PTPN21: variants seen among roughly 807,000 people sequenced by gnomAD.
PTPN21 encodes the protein tyrosine-protein phosphatase non-receptor type 21.
Under a neutral mutation model 131.8 loss-of-function variants are expected in PTPN21, and 77 were observed. The ratio of observed to expected loss-of-function variants is 0.58; its 90% CI spans 0.49 to 0.71. The LOEUF is 0.71. PTPN21 is among the 30% of genes least tolerant of loss of function. The probability of loss-of-function intolerance (pLI) is 0.00; values close to 1 mark genes in which losing one functional copy is unlikely to be tolerated. For synonymous variants in PTPN21, 715 were observed against 621.3 expected (o/e 1.15, Z -2.24); for missense variants, 1,552 against 1,527.1 (o/e 1.02, Z -0.27).
intron 12 of PTPN21, among the ~76,000 whole-genome samples, chr14:88,482,032 G>A (rs1269157043): frequency 6.6e-6 from 1 of 152,232 alleles, no homozygotes; most frequent in African/African-American, 2.4e-5. Flanking sequence ...CTAGTACAGT[G>A]TGCAACGGAC....
chr14:88,515,496 C>T (rs1056099707), intron 3 of PTPN21: 1 of 152,048 alleles, frequency 6.6e-6, no homozygotes, highest in African/African-American at 2.4e-5. Context: ...ATCTCTTCCT[C>T]ATTGTACCAT....
chr14:88,494,335 A>C (rs2140120672), intron 10 of PTPN21, among the ~76,000 whole-genome samples: 1 of 152,228 alleles, frequency 6.6e-6, no homozygotes, highest in Middle Eastern at 3.4e-3. Flanking sequence ...TAAGGTTGAA[A>C]CCAGGCAAGG....
At chr14:88,510,461 G>C (rs1159402702) in intron 3 of PTPN21, among the ~76,000 whole-genome samples, 2 of 152,228 alleles carry the variant, frequency 1.3e-5, no homozygotes, top group Non-Finnish European at 2.9e-5. Context: ...CAAATGCACA[G>C]AGCCAGACTG....
intron 13 of PTPN21, among the ~76,000 whole-genome samples, chr14:88,477,446 T>TCAAAAAAAAAAAAAAA (rs369022409): frequency 1.3e-5 from 1 of 76,382 alleles, no homozygotes; most frequent in African/African-American, 4.5e-5. Context: ...AAGACTGTTC[T>TCAAAAAAAAAAAAAAA]AAAAAAAAAA....
chr14:88,537,384 T>C (rs2078645817), intron 2 of PTPN21, among the ~76,000 whole-genome samples: 1 of 152,168 alleles, frequency 6.6e-6, no homozygotes, highest in South Asian at 2.1e-4. Context: ...GACAATGAGA[T>C]GCTATGAATA....
chr14:88,489,594 G>A (rs113194802), intron 10 of PTPN21, among the ~76,000 whole-genome samples: 12 of 152,194 alleles, frequency 7.9e-5, no homozygotes, highest in African/African-American at 2.4e-4. Context: ...AGGTTACAGT[G>A]AGCTATGATC....
chr14:88,479,678 G>A lies in PTPN21; in HGVS notation c.1753C>T (p.Leu585Phe), dbSNP rs767091484. The A allele has an allele frequency of 3.3e-6, 5 of 1,526,230 alleles. No individual in the cohort carries two copies. Among genetic ancestry groups the A allele is most frequent in the South Asian group, 1.3e-5 (1 of 78,584 alleles). The allele number at this position is 1,526,230 out of a possible 1,614,324, so 94.5% of individuals were successfully genotyped here. A position where few individuals can be genotyped will look rare whatever the true frequency, so the allele number is the denominator to read the frequency against. Residue 585 changes from leucine (L) to phenylalanine (F), a missense_variant, in exon 13 of 19, where the codon CTT (leucine) becomes TTT (phenylalanine). Physicochemically the swap from Leu to Phe is conservative, Grantham distance 22 (BLOSUM62 0). Coordinates refer to ENST00000556564, the MANE Select transcript of PTPN21 (RefSeq NM_007039.4). ...ANSTPDLSRH[L>F]YISSSNPDLI... ...TCGGGGTTGCTGCTGCTGATGTAAA[G>A]GTGGCGGGACAGGTCTGGCGTGCTG...
At chr14:88,491,894 G>A (rs1271961394) in intron 10 of PTPN21, among the ~76,000 whole-genome samples, 1 of 152,124 alleles carries the variant, frequency 6.6e-6, no homozygotes, top group Non-Finnish European at 1.5e-5. Flanking sequence ...CATTAATGTA[G>A]TTTTGTTCAC....
intron 6 of PTPN21, among the ~76,000 whole-genome samples, chr14:88,501,826 AT>A (rs2078013012): frequency 6.6e-6 from 1 of 150,468 alleles, no homozygotes; most frequent in Non-Finnish European, 1.5e-5. Flanking sequence ...AAAAAAAAAA[AT>A]GTTTTAAATT....
At position 88,523,716 on chromosome 14, in the gene PTPN21, G is replaced by GACACAC. The variant is rs71126989; in HGVS notation, c.181-6461_181-6456dup. Among the ~76,000 whole-genome samples the GACACAC allele has an allele frequency of 3.4e-3, 496 of 144,536 alleles. 2 individuals are homozygous for GACACAC. The highest frequency in any genetic ancestry group is 6.0e-3 in the African/African-American group (232 of 38,784). 94.8% of individuals were successfully genotyped at this position (144,536 alleles called of 152,430 possible). On this transcript the variant is annotated intron_variant, in intron 2 of 18. Transcript: ENST00000556564. Reference sequence around the variant, plus strand: ...TCCTCCAAATCCACCCCCCAACCGTGACACACACACACACACACACACACA... The same window carrying GACACAC: ...TCCTCCAAATCCACCCCCCAACCGTGACACACACACACACACACACACACACACACA...
intron 2 of PTPN21, among the ~76,000 whole-genome samples, chr14:88,531,895 G>A (rs1226187175): frequency 6.6e-6 from 1 of 152,014 alleles, no homozygotes; most frequent in Non-Finnish European, 1.5e-5. Context: ...ATCTAAATAA[G>A]CTCAATTAGA....
chr14:88,531,120 A>C (rs1332898301), intron 2 of PTPN21, among the ~76,000 whole-genome samples: 2 of 152,262 alleles, frequency 1.3e-5, no homozygotes, highest in Non-Finnish European at 2.9e-5. Flanking sequence ...AAAACTGGAA[A>C]TTAACTCCAA....
At position 88,480,294 on chromosome 14, in the gene PTPN21, A is replaced by C. The variant is rs768893571; in HGVS notation, c.1137T>G (p.Asp379Glu). The C allele has an allele frequency of 6.2e-7, 1 of 1,614,094 alleles. No individual in the cohort carries two copies. Among genetic ancestry groups the C allele is most frequent in the African/African-American group, 1.3e-5 (1 of 74,934 alleles). The change falls in exon 13 of 19, where the codon GAT becomes GAG. Residue 379 changes from aspartate (D) to glutamate (E), a missense_variant. By Grantham distance (45) the Asp-to-Glu change is conservative. Transcript: ENST00000556564. ...GACCGTTGAGGTCAATCTGGGCTCT[A>C]TCCAAGCTTGTCTGAGAGTGACAGT... ...GYYCHSQTSL[D>E]RAQIDLNGRI...
intron 6 of PTPN21, among the ~76,000 whole-genome samples, chr14:88,501,649 G>T (rs959706457): frequency 1.3e-5 from 2 of 152,018 alleles, no homozygotes; most frequent in African/African-American, 4.8e-5. Context: ...GTGAAATCTT[G>T]AACTTTTCTT....
chr14:88,472,503 C>T (rs1172954067), intron 14 of PTPN21, 38 bp from the exon 15 acceptor site: 2 of 1,304,830 alleles, frequency 1.5e-6, no homozygotes, highest in Non-Finnish European at 1.1e-6. Context: ...TGAATACAGC[C>T]ACACGTCGTG....
intron 2 of PTPN21, 65 bp from the exon 3 acceptor site, chr14:88,517,326 G>A (rs10150986): frequency 0.31 from 476,125 of 1,541,244 alleles, 76,350 homozygotes; most frequent in African/African-American, 0.51. Flanking sequence ...GACTTCAGTC[G>A]CACTAATCCC....
At chr14:88,533,543 T>C (rs1566848276) in intron 2 of PTPN21, among the ~76,000 whole-genome samples, 1 of 152,244 alleles carries the variant, frequency 6.6e-6, no homozygotes, top group Non-Finnish European at 1.5e-5. Flanking sequence ...TACTGATTTA[T>C]GCATTTATTA....
chr14:88,481,256 G>A (rs2077648783), intron 12 of PTPN21, among the ~76,000 whole-genome samples: 1 of 152,154 alleles, frequency 6.6e-6, no homozygotes, highest in Non-Finnish European at 1.5e-5. Context: ...CAATCCAGTG[G>A]GTACACTTTA....
At chr14:88,474,149 A>C (rs916970842) in intron 13 of PTPN21, among the ~76,000 whole-genome samples, 1 of 136,442 alleles carries the variant, frequency 7.3e-6, no homozygotes, top group Non-Finnish European at 1.5e-5. Context: ...AAAAAAAAAA[A>C]AAAAAACAAA....
Sources: gnomAD v4.1 joint callset for allele counts (sites outside exome capture counted in the v4.1 genomes callset) on GRCh38, gnomAD v4.1.1 for gene constraint, MANE v1.5 for transcripts, NCBI Gene and HGNC (gene_info 2026-07-23, HGNC 2026-07-21) for gene names.